The following PAX7 variants were observed in gnomAD, a reference collection of about 807,000 sequenced individuals.
PAX7 encodes the protein paired box protein Pax-7.
Under a neutral mutation model 50.7 loss-of-function variants are expected in PAX7, and 18 were observed. The observed-to-expected ratio is 0.36, with a 90% confidence interval of 0.25 to 0.53. The LOEUF is 0.53. Among genes scored for constraint, PAX7 ranks in the 20% least tolerant of loss-of-function variants. The pLI, the probability that PAX7 is intolerant of heterozygous loss-of-function variation, is 0.93. For synonymous variants in PAX7, 310 were observed against 290.4 expected (o/e 1.07, Z -0.69); for missense variants, 644 against 702.9 (o/e 0.92, Z 0.95).
At chr1:18,667,440 AAG>A (rs2088686515) in intron 4 of PAX7, among the ~76,000 whole-genome samples, 1 of 150,566 alleles carries the variant, frequency 6.6e-6, no homozygotes, top group African/African-American at 2.5e-5. Context: ...GGAAGGAAGG[AAG>A]GAAGGAAGGA....
chr1:18,701,941 G>C (rs2089227570), intron 6 of PAX7, among the ~76,000 whole-genome samples: 1 of 152,128 alleles, frequency 6.6e-6, no homozygotes, highest in East Asian at 1.9e-4. Context: ...CCTTGTAGGG[G>C]AAGAAGGGTT....
At chr1:18,714,867 G>T (rs188322200) in intron 7 of PAX7, among the ~76,000 whole-genome samples, 1 of 152,336 alleles carries the variant, frequency 6.6e-6, no homozygotes, top group African/African-American at 2.4e-5. Flanking sequence ...GCAAATAGTG[G>T]ATCTGTCCTT....
chr1:18,714,853 G>T (rs895106955), intron 7 of PAX7, among the ~76,000 whole-genome samples: 2 of 152,232 alleles, frequency 1.3e-5, no homozygotes, highest in Non-Finnish European at 2.9e-5. Context: ...TGGTGGGAAA[G>T]AATGCAAATA....
chr1:18,671,803 A>G (rs1194936819), intron 4 of PAX7, among the ~76,000 whole-genome samples: 2 of 137,274 alleles, frequency 1.5e-5, no homozygotes, highest in East Asian at 4.3e-4. Context: ...CCCTAACTCT[A>G]TAAAAAAAAA....
intron 4 of PAX7, among the ~76,000 whole-genome samples, chr1:18,663,756 C>T (rs1244270276): frequency 2.6e-5 from 4 of 152,196 alleles, no homozygotes; most frequent in East Asian, 3.8e-4. Context: ...AGGAACTGGC[C>T]GTATCCTAAG....
intron 7 of PAX7, among the ~76,000 whole-genome samples, chr1:18,710,320 G>A (rs1188348229): frequency 6.6e-6 from 1 of 152,170 alleles, no homozygotes; most frequent in South Asian, 2.1e-4. Flanking sequence ...CAGTCCTCTT[G>A]CCCTAGGGAA....
intron 7 of PAX7, among the ~76,000 whole-genome samples, chr1:18,707,257 G>A (rs985187923): frequency 2.0e-5 from 3 of 152,070 alleles, no homozygotes; most frequent in Admixed American, 1.3e-4. Flanking sequence ...TACCAGTGTT[G>A]ACAAGGACAG....
At chr1:18,679,610 C>A (rs2088869380) in intron 4 of PAX7, among the ~76,000 whole-genome samples, 1 of 152,186 alleles carries the variant, frequency 6.6e-6, no homozygotes, top group South Asian at 2.1e-4. Context: ...TATGCTACAG[C>A]TGAATCACTT....
At chr1:18,669,882 G>A (rs1046933669) in intron 4 of PAX7, among the ~76,000 whole-genome samples, 8 of 152,090 alleles carry the variant, frequency 5.3e-5, no homozygotes, top group African/African-American at 1.4e-4. Context: ...TCAGGAGTTC[G>A]AGACCAGTCT....
At position 18,632,146 on chromosome 1, in the gene PAX7, G is replaced by C. The variant is rs1427364821; in HGVS notation, c.85+458G>C. Among the ~76,000 whole-genome samples, 2 of 152,142 alleles carry C rather than the reference G, an allele frequency of 1.3e-5. No individual in the cohort carries two copies. The highest frequency in any genetic ancestry group is 4.8e-5 in the African/African-American group (2 of 41,434). The stretch of plus-strand genomic sequence containing the variant: ...TTATTTCGAACCACCTACCATGGGT[G>C]ATACTTTATATGCCTCAACTACCAC... On this transcript the variant is annotated intron_variant, in intron 1 of 8. Coordinates refer to ENST00000420770, the MANE Select transcript of PAX7 (RefSeq NM_001135254.2). This position sits in a 1 kb window ranked among gnomAD's most constrained non-coding sequence, Gnocchi z 6.3.
intron 4 of PAX7, among the ~76,000 whole-genome samples, chr1:18,651,601 T>C (rs941141904): frequency 6.6e-6 from 1 of 152,150 alleles, no homozygotes; most frequent in African/African-American, 2.4e-5. Context: ...TTGGGGGCAA[T>C]AGAAGCTTCA....
chr1:18,686,287 G>A (rs553934), intron 4 of PAX7, among the ~76,000 whole-genome samples: 142,021 of 152,290 alleles, frequency 0.93, 66,434 homozygotes, highest in African/African-American at 0.98. Context: ...CCACATCCCT[G>A]ACTAGAGACA....
chr1:18,697,103 C>A (rs1333602575), intron 5 of PAX7, among the ~76,000 whole-genome samples: 1 of 152,022 alleles, frequency 6.6e-6, no homozygotes, highest in Non-Finnish European at 1.5e-5. Flanking sequence ...GACTTGAACC[C>A]AAGTCTATCT....
intron 5 of PAX7, among the ~76,000 whole-genome samples, chr1:18,699,486 A>T (rs1382322630): frequency 1.3e-5 from 2 of 151,864 alleles, no homozygotes; most frequent in African/African-American, 4.8e-5. Flanking sequence ...CCCAGTGTGC[A>T]CCCTCATTCT....
chr1:18,685,622 C>T (rs975802388), intron 4 of PAX7, among the ~76,000 whole-genome samples: 4 of 152,192 alleles, frequency 2.6e-5, no homozygotes, highest in Non-Finnish European at 5.9e-5. Context: ...GCAGAGGAAG[C>T]TCATGTTCAA....
At chr1:18,741,463 A>AAAAAAG (rs1553144726) in intron 8 of PAX7, among the ~76,000 whole-genome samples, 3 of 149,494 alleles carry the variant, frequency 2.0e-5, no homozygotes, top group African/African-American at 4.9e-5. Flanking sequence ...AAGAAAAAAA[A>AAAAAAG]AAAGAAAGAA....
At position 18,719,561 on chromosome 1, in the gene PAX7, C is replaced by T. The variant is rs141332673; in HGVS notation, c.1156-16071C>T. Among the ~76,000 whole-genome samples the T allele has an allele frequency of 7.5e-4, 115 of 152,336 alleles. 1 individual carries two copies. The East Asian group carries it at 0.022, about 29-fold the overall frequency. ...TCGAAGGATTAAGGTCCCGTGAGGG[C>T]CCTGGCAAGTGTCTTATCACAAAGG... On this transcript the variant is annotated intron_variant, in intron 7 of 8. Transcript: ENST00000420770.
At chr1:18,689,386 G>A (rs908663156) in intron 4 of PAX7, among the ~76,000 whole-genome samples, 5 of 152,074 alleles carry the variant, frequency 3.3e-5, no homozygotes, top group African/African-American at 1.2e-4. Flanking sequence ...CAGTGACTGG[G>A]GGGCTGGGTA....
chr1:18,709,829 C>T (rs927889408), intron 7 of PAX7, among the ~76,000 whole-genome samples: 3 of 152,206 alleles, frequency 2.0e-5, no homozygotes, highest in Non-Finnish European at 2.9e-5. Flanking sequence ...TGAGGTTGGT[C>T]TGGTGGTCCA....
Sources: allele counts gnomAD v4.1 joint callset (sites outside exome capture counted in the v4.1 genomes callset), GRCh38; gene constraint gnomAD v4.1.1; non-coding constraint Gnocchi (gnomAD v3.1); transcripts MANE v1.5; gene names NCBI Gene and HGNC (gene_info 2026-07-23, HGNC 2026-07-21).